PAK1IP1: variants seen among roughly 807,000 people sequenced by gnomAD.
PAK1IP1 encodes the protein p21-activated protein kinase-interacting protein 1.
In PAK1IP1, 24 loss-of-function variants were observed where a neutral mutation model predicts 42.0. The ratio of observed to expected loss-of-function variants is 0.57; its 90% CI spans 0.41 to 0.80. The LOEUF (loss-of-function observed/expected upper bound fraction) is 0.80, where lower values mean the gene tolerates loss of function less well. Ranked by LOEUF, PAK1IP1 falls within the 30% of genes least tolerant of loss-of-function variation. PAK1IP1 has a pLI of 0.00. For synonymous variants in PAK1IP1, 154 were observed against 156.7 expected (o/e 0.98, Z 0.13); for missense variants, 411 against 467.9 (o/e 0.88, Z 1.12).
intron 2 of PAK1IP1, among the ~76,000 whole-genome samples, chr6:10,699,897 G>C (rs113694247): frequency 2.0e-5 from 3 of 152,220 alleles, no homozygotes; most frequent in African/African-American, 7.2e-5. Flanking sequence ...GGAAGTCTAA[G>C]ATTAAGGCAC....
upstream of PAK1IP1, among the ~76,000 whole-genome samples, chr6:10,691,845 T>G (rs1387830687): frequency 1.3e-5 from 2 of 152,166 alleles, no homozygotes; most frequent in African/African-American, 4.8e-5. Flanking sequence ...TTTTTTTTTC[T>G]TTTTAAAGTA....
intron 2 of PAK1IP1, among the ~76,000 whole-genome samples, chr6:10,700,855 A>C (rs757875323): frequency 6.6e-6 from 1 of 151,926 alleles, no homozygotes; most frequent in Non-Finnish European, 1.5e-5. Flanking sequence ...TCAGGGGTAC[A>C]CATGCAGGAT....
At chr6:10,709,213 A>C in intron 9 of PAK1IP1, 25 bp from the exon 10 acceptor site, 1 of 1,575,374 alleles carries the variant, frequency 6.3e-7, no homozygotes, top group South Asian at 1.2e-5. Context: ...GTCTTTTTTT[A>C]AAAGCACTCT....
chr6:10,693,204 G>A (rs1291202227), upstream of PAK1IP1, among the ~76,000 whole-genome samples: 3 of 152,156 alleles, frequency 2.0e-5, no homozygotes, highest in Non-Finnish European at 2.9e-5. Flanking sequence ...ACGGATGCAG[G>A]ACACAGCAGT....
At chr6:10,695,156 C>T (rs772452069) in intron 1 of PAK1IP1, 87 bp downstream of exon 1, 10 of 786,954 alleles carry the variant, frequency 1.3e-5, no homozygotes, top group Non-Finnish European at 2.0e-5. Flanking sequence ...AACATTGGAG[C>T]GCCTGCTGTT....
Position 10,695,034 on chromosome 6 carries a change from G to A in PAK1IP1, c.49G>A (p.Val17Ile). The change falls in exon 1 of 10, where the codon GTA becomes ATA. Residue 17 changes from valine to isoleucine, a missense_variant. Physicochemically the swap from Val to Ile is conservative, Grantham distance 29. Coordinates refer to ENST00000379568, the MANE Select transcript of PAK1IP1 (RefSeq NM_017906.3). ...CYEQVLFGFA[V>I]HPEPEACGDH... ...CGAGCAGGTCCTCTTTGGGTTCGCTGTACACCCGGAGCCCGAGGCTTGCGG... is the reference window on the plus strand; with the variant it reads ...CGAGCAGGTCCTCTTTGGGTTCGCTATACACCCGGAGCCCGAGGCTTGCGG... 1.9e-6 allele frequency: 3 copies of A among 1,602,492 alleles called. No homozygotes were observed. Among genetic ancestry groups the A allele is most frequent in the Non-Finnish European group, 1.7e-6 (2 of 1,179,332 alleles).
upstream of PAK1IP1, among the ~76,000 whole-genome samples, chr6:10,691,769 T>C (rs1769329748): frequency 6.6e-6 from 1 of 152,168 alleles, no homozygotes; most frequent in Non-Finnish European, 1.5e-5. Flanking sequence ...TAGTAACACC[T>C]GGACTAGATG....
chr6:10,700,458 T>G (rs1321187254), intron 2 of PAK1IP1, among the ~76,000 whole-genome samples: 1 of 152,220 alleles, frequency 6.6e-6, no homozygotes, highest in Non-Finnish European at 1.5e-5. Context: ...TCTCACCTCT[T>G]AAACTATCAC....
chr6:10,706,522 CTTATT>C (rs1770208400), intron 7 of PAK1IP1, among the ~76,000 whole-genome samples: 1 of 152,166 alleles, frequency 6.6e-6, no homozygotes, highest in African/African-American at 2.4e-5. Context: ...CCTCTCCCAT[CTTATT>C]TTAAAGTAGA....
intron 7 of PAK1IP1, among the ~76,000 whole-genome samples, chr6:10,706,548 G>T (rs1387334289): frequency 6.6e-6 from 1 of 152,022 alleles, no homozygotes; most frequent in Admixed American, 6.6e-5. Context: ...TCCCAGTTTT[G>T]TAGGGTTTTA....
chr6:10,695,134 A>G, intron 1 of PAK1IP1, 65 bp downstream of exon 1: 1 of 991,054 alleles, frequency 1.0e-6, no homozygotes, highest in Non-Finnish European at 1.6e-6. Context: ...TGGTTCCTAC[A>G]CAGCAGAGGT....
At chr6:10,692,431 G>C (rs1048759050), upstream of PAK1IP1, among the ~76,000 whole-genome samples, 3 of 152,056 alleles carry the variant, frequency 2.0e-5, no homozygotes, top group Admixed American at 6.6e-5. Context: ...AAGATAACTA[G>C]CACAAAGTAA....
chr6:10,702,515 A>G (rs1476955929), intron 3 of PAK1IP1, 26 bp downstream of exon 3: 2 of 1,614,020 alleles, frequency 1.2e-6, no homozygotes, highest in Non-Finnish European at 8.5e-7. Flanking sequence ...TCCCTTTGGC[A>G]TTCTCGATGT....
chr6:10,707,412 T>C lies in PAK1IP1; in HGVS notation c.741-3T>C. On this transcript the variant is annotated splice_polypyrimidine_tract_variant and splice_region_variant and intron_variant, in intron 7 of 9. Coordinates refer to ENST00000379568, the MANE Select transcript of PAK1IP1 (RefSeq NM_017906.3). ...TTTTATGGTGTTAATATTTCTATCC[T>C]AGGGTAAAGGACATGTTCAGTTTTG... is the stretch of plus-strand genomic sequence containing the variant. 6.6e-7 allele frequency: 1 copy of C among 1,513,158 alleles called. No individual in the cohort carries two copies. Among genetic ancestry groups the C allele is most frequent in the Non-Finnish European group, 9.2e-7 (1 of 1,087,974 alleles). 93.7% of individuals were successfully genotyped at this position (1,513,158 alleles called of 1,614,324 possible). A position where few individuals can be genotyped will look rare whatever the true frequency, so the allele number is the denominator to read the frequency against.
chr6:10,699,199 T>TAA (rs1561891117), intron 2 of PAK1IP1, among the ~76,000 whole-genome samples: 2 of 71,230 alleles, frequency 2.8e-5, no homozygotes, highest in African/African-American at 1.7e-4. Context: ...AGACTCTGTC[T>TAA]CAAAAAAAAA....
intron 8 of PAK1IP1, among the ~76,000 whole-genome samples, chr6:10,708,508 AT>A (rs1770271713): frequency 6.6e-6 from 1 of 150,406 alleles, no homozygotes; most frequent in Admixed American, 6.6e-5. Context: ...TCATATGCAA[AT>A]TTTTGTGTGG....
intron 1 of PAK1IP1, among the ~76,000 whole-genome samples, chr6:10,695,467 C>G (rs961348457): frequency 6.6e-6 from 1 of 152,032 alleles, no homozygotes; most frequent in African/African-American, 2.4e-5. Context: ...AGGATAAATC[C>G]CTTATAGGTA....
At chr6:10,703,867 GTA>G (rs1371460746) in intron 5 of PAK1IP1, among the ~76,000 whole-genome samples, 5 of 152,154 alleles carry the variant, frequency 3.3e-5, no homozygotes, top group Non-Finnish European at 1.5e-5. Context: ...TTACATGTGT[GTA>G]TGTTACACAT....
chr6:10,705,325 T>A (rs186876628), intron 7 of PAK1IP1, among the ~76,000 whole-genome samples: 40 of 151,872 alleles, frequency 2.6e-4, no homozygotes, highest in African/African-American at 9.7e-4. Context: ...TCAAAAAAAA[T>A]AATAATAATA....
Sources: gnomAD v4.1 joint callset for allele counts (sites outside exome capture counted in the v4.1 genomes callset) on GRCh38, gnomAD v4.1.1 for gene constraint, MANE v1.5 for transcripts, NCBI Gene and HGNC (gene_info 2026-07-23, HGNC 2026-07-21) for gene names.